The following PRKN variants were observed in gnomAD, a reference collection of about 807,000 sequenced individuals.
The protein encoded by PRKN is E3 ubiquitin-protein ligase parkin.
A neutral mutation model predicts 59.5 loss-of-function variants in PRKN; 56 were observed. That is an observed-to-expected ratio of 0.94 (90% confidence interval 0.76 to 1.18). The LOEUF is 1.18. Among genes scored for constraint, PRKN ranks in the 50% most tolerant of loss-of-function variants. PRKN has a pLI of 0.00. For synonymous variants in PRKN, 250 were observed against 222.1 expected (o/e 1.13, Z -1.12); for missense variants, 657 against 596.4 (o/e 1.10, Z -1.06).
At chr6:162,529,575 A>T (rs1321490972) in intron 1 of PRKN, among the ~76,000 whole-genome samples, 1 of 152,142 alleles carries the variant, frequency 6.6e-6, no homozygotes, top group Non-Finnish European at 1.5e-5. Context: ...GAGCTGACCC[A>T]TCCAGTCTCT....
chr6:162,305,255 G>T (rs1242539464), intron 2 of PRKN, among the ~76,000 whole-genome samples: 2 of 152,132 alleles, frequency 1.3e-5, no homozygotes, highest in Non-Finnish European at 2.9e-5. Context: ...GTAAACGGAA[G>T]TGCCAGGCCA....
intron 1 of PRKN, among the ~76,000 whole-genome samples, chr6:162,606,559 A>C (rs1351114758): frequency 6.6e-6 from 1 of 152,222 alleles, no homozygotes; most frequent in African/African-American, 2.4e-5. Flanking sequence ...TCTGTAGTTC[A>C]GTCAAGAAAA....
At chr6:161,957,408 TG>T (rs199829085) in intron 6 of PRKN, among the ~76,000 whole-genome samples, 248 of 130,914 alleles carry the variant, frequency 1.9e-3, no homozygotes, top group African/African-American at 7.6e-3. Flanking sequence ...TTGTTCTTGT[TG>T]TTTTTTTTTT....
At chr6:162,636,933 C>A (rs1253053120) in intron 1 of PRKN, among the ~76,000 whole-genome samples, 1 of 151,216 alleles carries the variant, frequency 6.6e-6, no homozygotes, top group African/African-American at 2.4e-5. Context: ...GCACATCAGC[C>A]TGGCAACGGA....
chr6:161,744,192 T>A (rs1204082346), intron 7 of PRKN, among the ~76,000 whole-genome samples: 4 of 151,630 alleles, frequency 2.6e-5, no homozygotes, highest in Non-Finnish European at 5.9e-5. Context: ...TTTTTTTTCT[T>A]TTTTTTTTCA....
At chr6:162,197,642 C>T (rs1383102156) in intron 4 of PRKN, among the ~76,000 whole-genome samples, 2 of 152,100 alleles carry the variant, frequency 1.3e-5, no homozygotes, top group East Asian at 3.9e-4. Flanking sequence ...ACTTTGGGCT[C>T]ATTACTTAAC....
intron 7 of PRKN, among the ~76,000 whole-genome samples, chr6:161,680,771 A>ATTTTTTTTTTTT (rs1174510072): frequency 1.1e-4 from 2 of 18,072 alleles, no homozygotes; most frequent in African/African-American, 3.2e-4. Context: ...ATATATATAT[A>ATTTTTTTTTTTT]TATATTTTTT....
intron 1 of PRKN, among the ~76,000 whole-genome samples, chr6:162,711,934 T>C (rs1778554291): frequency 6.6e-6 from 1 of 152,186 alleles, no homozygotes; most frequent in East Asian, 1.9e-4. Context: ...CTGGGATTTA[T>C]TCATAGTAGG....
chr6:162,098,822 C>T (rs1008443995), intron 4 of PRKN, among the ~76,000 whole-genome samples: 1 of 152,156 alleles, frequency 6.6e-6, no homozygotes, highest in Admixed American at 6.6e-5. Flanking sequence ...AAGGACTTAG[C>T]CTTGCAGGCT....
intron 4 of PRKN, among the ~76,000 whole-genome samples, chr6:162,072,430 T>C (rs891053737): frequency 9.8e-5 from 15 of 152,288 alleles, no homozygotes; most frequent in African/African-American, 3.4e-4. Context: ...CGGGAAGAAG[T>C]AGTATTCTGA....
chr6:161,824,785 T>A (rs1792173370), intron 6 of PRKN, among the ~76,000 whole-genome samples: 1 of 152,236 alleles, frequency 6.6e-6, no homozygotes, highest in Admixed American at 6.5e-5. Flanking sequence ...GAAAAAAAGA[T>A]TTAAATGTTT....
intron 1 of PRKN, among the ~76,000 whole-genome samples, chr6:162,657,108 A>G (rs758892613): frequency 6.6e-6 from 1 of 152,218 alleles, no homozygotes. Flanking sequence ...CACCTAGTAC[A>G]TGGCCTAGCA....
At chr6:162,257,278 C>G (rs1463670439) in intron 3 of PRKN, among the ~76,000 whole-genome samples, 1 of 152,084 alleles carries the variant, frequency 6.6e-6, no homozygotes, top group Non-Finnish European at 1.5e-5. Flanking sequence ...CCAGACCAGA[C>G]TGGCCAGCGT....
chr6:161,696,834 T>C (rs532328902), intron 7 of PRKN, among the ~76,000 whole-genome samples: 8 of 152,320 alleles, frequency 5.3e-5, no homozygotes, highest in African/African-American at 1.7e-4. Flanking sequence ...AAAAATGATA[T>C]TTGCATGCTC....
chr6:161,792,707 A>G (rs1461903534), intron 6 of PRKN, among the ~76,000 whole-genome samples: 1 of 152,230 alleles, frequency 6.6e-6, no homozygotes, highest in Non-Finnish European at 1.5e-5. Flanking sequence ...GTAACACAGA[A>G]GTCATGCCCC....
At chr6:161,750,142 C>CATATATAT (rs1554300410) in intron 7 of PRKN, among the ~76,000 whole-genome samples, 10 of 136,982 alleles carry the variant, frequency 7.3e-5, no homozygotes, top group African/African-American at 2.7e-4. Flanking sequence ...CACACACACA[C>CATATATAT]ATATATAAAT....
At chr6:161,472,021 A>G (rs927471379) in intron 9 of PRKN, among the ~76,000 whole-genome samples, 2 of 152,102 alleles carry the variant, frequency 1.3e-5, no homozygotes, top group Non-Finnish European at 2.9e-5. Flanking sequence ...AAAATTTTTG[A>G]AAAACCTAAT....
intron 3 of PRKN, among the ~76,000 whole-genome samples, chr6:162,234,019 A>T (rs1017281745): frequency 6.6e-6 from 1 of 152,214 alleles, no homozygotes; most frequent in Non-Finnish European, 1.5e-5. Flanking sequence ...ACATATACTG[A>T]AGAGTTGATG....
At chr6:162,016,475 TCTGA>T (rs1782938779) in intron 5 of PRKN, among the ~76,000 whole-genome samples, 1 of 152,114 alleles carries the variant, frequency 6.6e-6, no homozygotes, top group Non-Finnish European at 1.5e-5. Flanking sequence ...CCTGAGGTCC[TCTGA>T]CTGTCCCTTG....
Sources: gnomAD v4.1 joint callset for allele counts (sites outside exome capture counted in the v4.1 genomes callset) on GRCh38, gnomAD v4.1.1 for gene constraint, MANE v1.5 for transcripts, NCBI Gene and HGNC (gene_info 2026-07-23, HGNC 2026-07-21) for gene names.